The following UTRN variants were observed in gnomAD, a reference collection of about 807,000 sequenced individuals.
UTRN encodes the protein dystrophin-related protein 1.
In UTRN, 283 loss-of-function variants were observed where a neutral mutation model predicts 463.9. That is an observed-to-expected ratio of 0.61 (90% CI 0.55 to 0.67). The LOEUF (loss-of-function observed/expected upper bound fraction) is 0.67. UTRN is among the 30% of genes least tolerant of loss of function. UTRN has a pLI of 0.00. For synonymous variants in UTRN, 1,442 were observed against 1,431.5 expected, an observed-to-expected ratio of 1.01 and a Z score of -0.17; for missense variants, 3,922 against 4,084.3, an observed-to-expected ratio of 0.96 and a Z score of 1.08.
intron 52 of UTRN, among the ~76,000 whole-genome samples, chr6:144,689,450 TTCATTCTTTTG>T (rs1246549947): frequency 2.0e-5 from 3 of 152,234 alleles, no homozygotes; most frequent in Non-Finnish European, 4.4e-5. Flanking sequence ...GCCTGCTGTC[TTCATTCTTTTG>T]TCATTCTTTT....
chr6:144,515,422 T>G (rs1020966687), intron 37 of UTRN, among the ~76,000 whole-genome samples: 4 of 152,190 alleles, frequency 2.6e-5, no homozygotes, highest in Admixed American at 1.3e-4. Context: ...TATTAAACCC[T>G]TTATTTTATG....
At chr6:144,681,143 C>T (rs890065633) in intron 52 of UTRN, among the ~76,000 whole-genome samples, 5 of 152,092 alleles carry the variant, frequency 3.3e-5, no homozygotes, top group Non-Finnish European at 5.9e-5. Flanking sequence ...AATTAGTTCA[C>T]GTTGTTAAGA....
rs1381615825 is a variant in UTRN, at chr6:144,577,131, AG to A, written c.7323del (p.Glu2441AspfsTer16). The A allele has an allele frequency of 6.2e-7, 1 of 1,613,756 alleles. No individual in the cohort carries two copies. Among genetic ancestry groups the A allele is most frequent in the East Asian group, 2.2e-5 (1 of 44,844 alleles). On this transcript the variant is annotated frameshift_variant, in exon 51 of 75. Coordinates refer to ENST00000367545, the MANE Select transcript of UTRN (RefSeq NM_007124.3). LOFTEE classifies it high-confidence loss of function. ...IADRQNALEA[E>X]WRTVQASRRD... ...GACAGACAGAACGCCTTGGAGGCTGAGTGGAGGACGGTGCAGGCCTCTCGCA... is the reference window on the plus strand; with the variant it reads ...GACAGACAGAACGCCTTGGAGGCTGATGGAGGACGGTGCAGGCCTCTCGCA...
intron 71 of UTRN, among the ~76,000 whole-genome samples, chr6:144,837,971 A>G (rs1296659996): frequency 1.3e-5 from 2 of 152,234 alleles, no homozygotes; most frequent in Non-Finnish European, 2.9e-5. Flanking sequence ...CCAGCCACAT[A>G]CATTGAAAAC....
intron 53 of UTRN, among the ~76,000 whole-genome samples, chr6:144,721,791 A>G (rs566514223): frequency 3.0e-4 from 46 of 152,280 alleles, no homozygotes; most frequent in African/African-American, 1.1e-3. Flanking sequence ...TGTTTCAGAT[A>G]TACCTTAGAC....
chr6:144,516,260 G>A lies in UTRN; in HGVS notation c.5276G>A (p.Cys1759Tyr), dbSNP rs1179022939. The A allele has an allele frequency of 3.1e-6, 5 of 1,613,590 alleles. No homozygotes were observed. The Admixed American group carries it at 6.7e-5, about 22-fold the overall frequency. Reference protein sequence around the residue: ...LLIAQEPLYQCLVTTETFETG... With the variant: ...LLIAQEPLYQYLVTTETFETG... ...ATTGCTCAGGAACCATTATACCAAT[G>A]TTTGGTCACCACTGAAACATTTGAA... is the stretch of plus-strand genomic sequence containing the variant. Residue 1759 changes from cysteine to tyrosine, a missense_variant, in exon 38 of 75, where the codon TGT becomes TAT. Around this residue, in one of 3 missense-constraint regions of UTRN, gnomAD observed 2,349 missense variants for 2,303.8 expected, o/e 1.02. Coordinates refer to ENST00000367545, the MANE Select transcript of UTRN (RefSeq NM_007124.3).
chr6:144,684,653 A>G (rs766290546), intron 52 of UTRN, among the ~76,000 whole-genome samples: 4 of 152,070 alleles, frequency 2.6e-5, no homozygotes, highest in Non-Finnish European at 4.4e-5. Flanking sequence ...GTTTTCCCCT[A>G]TTAGTTAGTG....
At chr6:144,599,473 A>T (rs1454304349) in intron 51 of UTRN, among the ~76,000 whole-genome samples, 1 of 152,074 alleles carries the variant, frequency 6.6e-6, no homozygotes, top group Non-Finnish European at 1.5e-5. Flanking sequence ...TGTTTTTTTT[A>T]AATCTCTAAG....
intron 51 of UTRN, among the ~76,000 whole-genome samples, chr6:144,590,832 C>G (rs1294490293): frequency 2.2e-5 from 3 of 136,224 alleles, no homozygotes; most frequent in Admixed American, 8.4e-5. Flanking sequence ...GTCTCTCTCT[C>G]TCTCTCAATC....
intron 60 of UTRN, among the ~76,000 whole-genome samples, chr6:144,776,335 T>C (rs547427982): frequency 6.6e-6 from 1 of 152,344 alleles, no homozygotes; most frequent in African/African-American, 2.4e-5. Flanking sequence ...GACAAGTGCT[T>C]GCCTTTGTGT....
chr6:144,404,957 A>G (rs1254847959), intron 3 of UTRN, among the ~76,000 whole-genome samples: 1 of 152,214 alleles, frequency 6.6e-6, no homozygotes, highest in Non-Finnish European at 1.5e-5. Flanking sequence ...TTGCAATTAA[A>G]TGGGGCTTTA....
chr6:144,591,199 G>A (rs1238225507), intron 51 of UTRN, among the ~76,000 whole-genome samples: 1 of 152,156 alleles, frequency 6.6e-6, no homozygotes, highest in East Asian at 1.9e-4. Flanking sequence ...TTTTTCCAAA[G>A]GATTCATGCC....
At chr6:144,790,012 A>G (rs1015077230) in intron 62 of UTRN, among the ~76,000 whole-genome samples, 3 of 152,196 alleles carry the variant, frequency 2.0e-5, no homozygotes, top group African/African-American at 7.2e-5. Flanking sequence ...AATATTGCCA[A>G]CTAAGAGGTA....
intron 58 of UTRN, 51 bp from the exon 59 acceptor site, chr6:144,771,856 G>A: frequency 6.8e-7 from 1 of 1,475,506 alleles, no homozygotes; most frequent in Non-Finnish European, 9.2e-7. Context: ...TGGCCTATAT[G>A]AAGTTTTTTG....
chr6:144,563,453 C>T lies in UTRN; in HGVS notation c.7289+6142C>T, dbSNP rs140675483. Among the ~76,000 whole-genome samples, 446 of 152,202 alleles carry T rather than the reference C, an allele frequency of 2.9e-3. 2 individuals are homozygous for T. The highest frequency in any genetic ancestry group is 0.01 in the African/African-American group (434 of 41,534). On this transcript the variant is annotated intron_variant, in intron 50 of 74. Coordinates refer to ENST00000367545, the MANE Select transcript of UTRN (RefSeq NM_007124.3). ...TTATATTGGGATTGTTTCATAAGGC[C>T]TGATATCAGCCAGGCTCAACCTTCA...
chr6:144,335,908 C>G (rs952811892), intron 2 of UTRN, among the ~76,000 whole-genome samples: 2 of 152,078 alleles, frequency 1.3e-5, no homozygotes, highest in Non-Finnish European at 2.9e-5. Flanking sequence ...TCTCCTCACT[C>G]TTGGCTCTAA....
At chr6:144,345,456 C>T (rs1166813434) in intron 2 of UTRN, among the ~76,000 whole-genome samples, 1 of 152,158 alleles carries the variant, frequency 6.6e-6, no homozygotes, top group Non-Finnish European at 1.5e-5. Flanking sequence ...ATGAGGATCA[C>T]TTGAGGCCTG....
At chr6:144,715,728 A>G (rs1321312337) in intron 53 of UTRN, among the ~76,000 whole-genome samples, 6 of 124,140 alleles carry the variant, frequency 4.8e-5, no homozygotes, top group South Asian at 2.6e-4. Context: ...TTCTTTTTCT[A>G]TAGCATTTAT....
chr6:144,849,431 A>T (rs1408798931), intron 74 of UTRN, among the ~76,000 whole-genome samples: 2 of 152,148 alleles, frequency 1.3e-5, no homozygotes, highest in Non-Finnish European at 2.9e-5. Flanking sequence ...TAAAGCAGAA[A>T]ATTATCTGAG....
Sources: gnomAD v4.1 joint callset for allele counts (sites outside exome capture counted in the v4.1 genomes callset) on GRCh38, gnomAD v4.1.1 for gene constraint, gnomAD v4.1.1 regional missense constraint, MANE v1.5 for transcripts, NCBI Gene and HGNC (gene_info 2026-07-23, HGNC 2026-07-21) for gene names.